Variants in ATRNL1 observed in about 807,000 individuals in gnomAD.
The protein encoded by ATRNL1 is attractin-like protein 1.
Under a neutral mutation model 182.7 loss-of-function variants are expected in ATRNL1, and 95 were observed. The ratio of observed to expected loss-of-function variants is 0.52; its 90% CI spans 0.44 to 0.62. The LOEUF (loss-of-function observed/expected upper bound fraction) is 0.62. Ranked by LOEUF, ATRNL1 falls within the 20% of genes least tolerant of loss-of-function variation. The pLI is 0.00. For synonymous variants in ATRNL1, 576 were observed against 568.3 expected, an observed-to-expected ratio of 1.01 and a Z score of -0.19; for missense variants, 1,471 against 1,679.5, an observed-to-expected ratio of 0.88 and a Z score of 2.17.
chr10:115,339,402 A>G (rs1289408072), intron 19 of ATRNL1, among the ~76,000 whole-genome samples: 1 of 152,006 alleles, frequency 6.6e-6, no homozygotes, highest in African/African-American at 2.4e-5. Context: ...TTAGTGTTTT[A>G]TAGTTTCCAT....
At chr10:115,531,836 A>C (rs28831795) in intron 25 of ATRNL1, among the ~76,000 whole-genome samples, 4,049 of 121,592 alleles carry the variant, frequency 0.033, 173 homozygotes, top group Middle Eastern at 0.085. Context: ...CAGTTTCAGC[A>C]TTCTACGTAT....
chr10:115,940,672 A>ACTCTCTCTCT (rs144547639), intron 28 of ATRNL1, among the ~76,000 whole-genome samples: 285 of 128,908 alleles, frequency 2.2e-3, no homozygotes, highest in South Asian at 8.7e-3. Flanking sequence ...GACAGAGATT[A>ACTCTCTCTCT]CTCTCTCTCT....
At position 115,521,542 on chromosome 10, in the gene ATRNL1, G is replaced by A. The variant is rs575059731; in HGVS notation, c.3716+2218G>A. Among the ~76,000 whole-genome samples the A allele has an allele frequency of 2.6e-5, 4 of 152,268 alleles. No individual in the cohort carries two copies. The South Asian group carries it at 8.3e-4, about 32-fold the overall frequency. ...AAATTTCACAAAGTTGAATATGTAT[G>A]TAAATTATTTGAATCTTGAGGTTTT... is the stretch of plus-strand genomic sequence containing the variant. On this transcript the variant is annotated intron_variant, in intron 25 of 28. Transcript: ENST00000355044.
intron 19 of ATRNL1, among the ~76,000 whole-genome samples, chr10:115,387,432 A>G (rs1336688119): frequency 6.6e-6 from 1 of 152,122 alleles, no homozygotes; most frequent in Non-Finnish European, 1.5e-5. Context: ...GCATGTTATT[A>G]CTCTATTAAT....
At chr10:115,294,829 A>G (rs1182443199) in intron 15 of ATRNL1, among the ~76,000 whole-genome samples, 1 of 152,178 alleles carries the variant, frequency 6.6e-6, no homozygotes, top group East Asian at 1.9e-4. Context: ...TTCAGCTATA[A>G]TCCACATTAG....
At chr10:115,473,472 G>A (rs1554972503) in intron 24 of ATRNL1, among the ~76,000 whole-genome samples, 1 of 151,112 alleles carries the variant, frequency 6.6e-6, no homozygotes, top group African/African-American at 2.4e-5. Flanking sequence ...TTTCAACTTA[G>A]TCCATCTATT....
intron 26 of ATRNL1, among the ~76,000 whole-genome samples, chr10:115,713,717 T>C (rs2134023964): frequency 7.8e-6 from 1 of 128,744 alleles, no homozygotes; most frequent in South Asian, 2.4e-4. Flanking sequence ...TCTATCTATC[T>C]ATCTATCTAT....
intron 21 of ATRNL1, among the ~76,000 whole-genome samples, chr10:115,434,194 T>C (rs782785046): frequency 6.6e-6 from 1 of 152,226 alleles, no homozygotes; most frequent in Non-Finnish European, 1.5e-5. Context: ...TGAATGTTTT[T>C]CTTATAGATA....
chr10:115,505,958 A>C (rs899662011), intron 24 of ATRNL1, among the ~76,000 whole-genome samples: 1 of 151,836 alleles, frequency 6.6e-6, no homozygotes, highest in South Asian at 2.1e-4. Flanking sequence ...GGTGGAAGAA[A>C]AAAAAAAAAA....
At chr10:115,175,482 ATAC>A (rs1847466144) in intron 8 of ATRNL1, among the ~76,000 whole-genome samples, 1 of 152,132 alleles carries the variant, frequency 6.6e-6, no homozygotes, top group African/African-American at 2.4e-5. Flanking sequence ...TACAACCAAA[ATAC>A]TATGTCTAAA....
intron 21 of ATRNL1, among the ~76,000 whole-genome samples, chr10:115,458,718 C>T (rs1379090119): frequency 6.6e-6 from 1 of 152,098 alleles, no homozygotes; most frequent in East Asian, 1.9e-4. Flanking sequence ...CCAGTTCCTA[C>T]CTCCAAAAGG....
At chr10:115,726,855 G>GTTT (rs10548508) in intron 26 of ATRNL1, among the ~76,000 whole-genome samples, 3 of 146,832 alleles carry the variant, frequency 2.0e-5, no homozygotes, top group African/African-American at 2.5e-5. Context: ...TATTTTTACT[G>GTTT]TTTTTTTTTT....
intron 18 of ATRNL1, among the ~76,000 whole-genome samples, chr10:115,328,211 A>T (rs1028539927): frequency 6.6e-5 from 10 of 152,168 alleles, no homozygotes; most frequent in Admixed American, 2.0e-4. Context: ...ACAATTGGTA[A>T]TACAGAAAAA....
At chr10:115,710,628 G>A (rs2804155) in intron 26 of ATRNL1, among the ~76,000 whole-genome samples, 23,406 of 152,194 alleles carry the variant, frequency 0.15, 2,389 homozygotes, top group Non-Finnish European at 0.22. Context: ...GGTGGGGGAT[G>A]TAGGAGTCCT....
chr10:115,942,529 A>G (rs943834431), intron 28 of ATRNL1, among the ~76,000 whole-genome samples: 34 of 152,330 alleles, frequency 2.2e-4, no homozygotes, highest in African/African-American at 8.2e-4. Flanking sequence ...TACAGTGCTC[A>G]CATCCCTTTA....
intron 26 of ATRNL1, among the ~76,000 whole-genome samples, chr10:115,567,853 AT>A (rs1854158540): frequency 6.6e-6 from 1 of 152,116 alleles, no homozygotes; most frequent in Non-Finnish European, 1.5e-5. Flanking sequence ...ATAATGCATA[AT>A]AAGTAACAGT....
intron 25 of ATRNL1, among the ~76,000 whole-genome samples, chr10:115,521,180 G>A (rs1392512514): frequency 1.5e-5 from 2 of 132,578 alleles, no homozygotes; most frequent in African/African-American, 6.1e-5. Context: ...TGTTGAGACA[G>A]GGTCTCACCC....
At chr10:115,562,677 C>T (rs547131875) in intron 26 of ATRNL1, among the ~76,000 whole-genome samples, 28 of 152,200 alleles carry the variant, frequency 1.8e-4, no homozygotes, top group African/African-American at 6.7e-4. Context: ...TAAGGGGATT[C>T]CCCCTTCACT....
chr10:115,416,088 A>G (rs980987115), intron 20 of ATRNL1, among the ~76,000 whole-genome samples: 16 of 152,134 alleles, frequency 1.1e-4, no homozygotes, highest in African/African-American at 3.8e-4. Flanking sequence ...ATAAAATCTC[A>G]TTGGAGTTTT....
Sources: allele counts gnomAD v4.1 joint callset (sites outside exome capture counted in the v4.1 genomes callset), GRCh38; gene constraint gnomAD v4.1.1; transcripts MANE v1.5; gene names NCBI Gene and HGNC (gene_info 2026-07-23, HGNC 2026-07-21).